Variants in GLRA3 observed in about 807,000 individuals in gnomAD.
GLRA3 encodes glycine receptor subunit alpha-3.
GLRA3 carries 44 observed loss-of-function variants against 60.4 expected under a neutral mutation model. The ratio of observed to expected loss-of-function variants is 0.73; its 90% CI spans 0.57 to 0.94. The LOEUF (loss-of-function observed/expected upper bound fraction) is 0.94, where lower values mean the gene tolerates loss of function less well. Among genes scored for constraint, GLRA3 ranks in the 40% least tolerant of loss-of-function variants. The pLI, the probability that GLRA3 is intolerant of heterozygous loss-of-function variation, is 0.00. For missense variants in GLRA3, 508 were observed against 564.6 expected, an observed-to-expected ratio of 0.90 and a Z score of 1.02; for synonymous variants, 223 against 192.9, an observed-to-expected ratio of 1.16 and a Z score of -1.29.
chr4:174,735,182 G>C (rs902341095), intron 3 of GLRA3, among the ~76,000 whole-genome samples: 5 of 151,840 alleles, frequency 3.3e-5, no homozygotes, highest in South Asian at 4.2e-4. Context: ...AAAAAAAAAG[G>C]CTAGATAACC....
At chr4:174,813,469 A>G (rs1352062) in intron 1 of GLRA3, among the ~76,000 whole-genome samples, 28,904 of 152,110 alleles carry the variant, frequency 0.19, 3,208 homozygotes, top group African/African-American at 0.31. Context: ...ACTACAGCGT[A>G]GCCACACCAC....
At position 174,644,462 on chromosome 4, in the gene GLRA3, T is replaced by C. The variant is rs75072959; in HGVS notation, c.1117-398A>G. ...AAATGTGTGATGTCGAAGGGGAACA[T>C]ACCAGGATCATTGACTGAATTTTTC... On this transcript the variant is annotated intron_variant, in intron 9 of 9. Coordinates refer to ENST00000274093, the MANE Select transcript of GLRA3 (RefSeq NM_006529.4). Among the ~76,000 whole-genome samples, 67 of 152,094 alleles carry C rather than the reference T, an allele frequency of 4.4e-4. 1 individual carries two copies. In the East Asian group the frequency reaches 0.011, roughly 26 times the overall value.
intron 3 of GLRA3, among the ~76,000 whole-genome samples, chr4:174,740,718 A>G (rs1236059340): frequency 6.6e-6 from 1 of 152,220 alleles, no homozygotes; most frequent in Non-Finnish European, 1.5e-5. Context: ...GTTACAGAAT[A>G]GAGCTCTCAC....
intron 4 of GLRA3, among the ~76,000 whole-genome samples, chr4:174,719,199 G>A (rs1736047435): frequency 6.6e-6 from 1 of 151,350 alleles, no homozygotes. Context: ...TCCTGACCTC[G>A]TGATCCGCCC....
At position 174,682,800 on chromosome 4, in the gene GLRA3, A is replaced by G. The variant is rs1734405172; in HGVS notation, c.712+2T>C. The G allele has an allele frequency of 6.2e-7, 1 of 1,609,004 alleles. No homozygotes were observed. The highest frequency in any genetic ancestry group is 8.5e-7 in the Non-Finnish European group (1 of 1,175,754). On this transcript the variant is annotated splice_donor_variant, in intron 6 of 9. Transcript: ENST00000274093. LOFTEE classifies it high-confidence loss of function. ...GTGTAAAGAACACTACTCAACCCCT[A>G]CCTGTATTGTAATGTTTAGTGCAGT...
intron 3 of GLRA3, among the ~76,000 whole-genome samples, chr4:174,736,662 G>A (rs748218709): frequency 2.5e-4 from 38 of 152,188 alleles, no homozygotes; most frequent in Non-Finnish European, 4.4e-4. Flanking sequence ...TTTGTTTATA[G>A]AAGTGTGAAG....
chr4:174,788,590 TA>T (rs35640897), intron 2 of GLRA3, among the ~76,000 whole-genome samples: 22,066 of 87,636 alleles, frequency 0.25, 1,868 homozygotes, highest in Non-Finnish European at 0.28. Context: ...GTTAGAGAAG[TA>T]AAAAAAAAAA....
chr4:174,781,126 A>T (rs1280518039), intron 2 of GLRA3, among the ~76,000 whole-genome samples: 1 of 152,140 alleles, frequency 6.6e-6, no homozygotes, highest in Admixed American at 6.5e-5. Flanking sequence ...CTCAGACCAC[A>T]GTGCAATCAA....
chr4:174,787,589 A>G (rs1739170384), intron 2 of GLRA3, among the ~76,000 whole-genome samples: 2 of 81,036 alleles, frequency 2.5e-5, no homozygotes, highest in South Asian at 1.0e-3. Flanking sequence ...TTTCATTTGT[A>G]TATTGTACCC....
intron 5 of GLRA3, among the ~76,000 whole-genome samples, chr4:174,695,309 T>C (rs1735006873): frequency 6.6e-6 from 1 of 151,980 alleles, no homozygotes; most frequent in South Asian, 2.1e-4. Flanking sequence ...CAGGCCAATA[T>C]CCTTGAAGAA....
At chr4:174,757,444 G>A (rs1272093391) in intron 3 of GLRA3, among the ~76,000 whole-genome samples, 2 of 152,062 alleles carry the variant, frequency 1.3e-5, no homozygotes, top group Admixed American at 6.5e-5. Flanking sequence ...TATGGTTGGG[G>A]TGGGAAAAAT....
chr4:174,762,463 T>C (rs993717832), intron 3 of GLRA3, among the ~76,000 whole-genome samples: 2 of 152,170 alleles, frequency 1.3e-5, no homozygotes, highest in African/African-American at 4.8e-5. Context: ...CAGTGATTTT[T>C]TTCTTCAAGA....
At chr4:174,823,586 T>A (rs1740836432) in intron 1 of GLRA3, among the ~76,000 whole-genome samples, 1 of 152,096 alleles carries the variant, frequency 6.6e-6, no homozygotes, top group Non-Finnish European at 1.5e-5. Flanking sequence ...ATATAAATAA[T>A]CCTGTGGAAA....
rs77292740 is a variant in GLRA3 at position 174,744,378 on chromosome 4, T to G, written c.268-15680A>C. Reference sequence around the variant, plus strand: ...TCCTACTGACACAGGTGCTGGTGTATGCTGCCCTGGGAGCCGAAGAACAGG... The same window carrying G: ...TCCTACTGACACAGGTGCTGGTGTAGGCTGCCCTGGGAGCCGAAGAACAGG... On this transcript the variant is annotated intron_variant, in intron 3 of 9. Coordinates refer to ENST00000274093, the MANE Select transcript of GLRA3 (RefSeq NM_006529.4). Among the ~76,000 whole-genome samples, 1,000 of 152,330 alleles carry G rather than the reference T, an allele frequency of 6.6e-3. 11 individuals are homozygous for G. The highest frequency in any genetic ancestry group is 0.022 in the African/African-American group (920 of 41,576).
At chr4:174,661,278 A>G (rs975284125) in intron 7 of GLRA3, among the ~76,000 whole-genome samples, 1 of 152,108 alleles carries the variant, frequency 6.6e-6, no homozygotes, top group Non-Finnish European at 1.5e-5. Flanking sequence ...TTACATCTCT[A>G]TATCTAACTC....
In GLRA3 at chr4:174,758,717, C is replaced by G. The variant is rs112712847; in HGVS notation, c.267+8246G>C. Among the ~76,000 whole-genome samples, 751 of 152,172 alleles carry G rather than the reference C, an allele frequency of 4.9e-3. 6 individuals carry two copies. Among genetic ancestry groups the G allele is most frequent in the African/African-American group, 0.017 (719 of 41,552 alleles). On this transcript the variant is annotated intron_variant, in intron 3 of 9. Coordinates refer to ENST00000274093, the MANE Select transcript of GLRA3 (RefSeq NM_006529.4). ...TGTAACATGGTAATAATAGAGGAAA[C>G]TGGGCATGGGATCTAGGAAAATTCT...
intron 1 of GLRA3, among the ~76,000 whole-genome samples, chr4:174,817,831 GCCTGA>G (rs1352326797): frequency 6.6e-6 from 1 of 151,936 alleles, no homozygotes; most frequent in Non-Finnish European, 1.5e-5. Context: ...GGTCTTGAAC[GCCTGA>G]CCTCTAATGA....
intron 5 of GLRA3, among the ~76,000 whole-genome samples, chr4:174,707,104 T>C (rs1032531826): frequency 6.6e-6 from 1 of 152,232 alleles, no homozygotes; most frequent in South Asian, 2.1e-4. Flanking sequence ...AATTTTGAAA[T>C]GGATATCCAT....
intron 5 of GLRA3, among the ~76,000 whole-genome samples, chr4:174,693,212 T>C (rs1734927217): frequency 6.6e-6 from 1 of 152,226 alleles, no homozygotes; most frequent in Admixed American, 6.5e-5. Flanking sequence ...TTTTGGTGTC[T>C]TTATCATGAA....
Sources: allele counts gnomAD v4.1 joint callset (sites outside exome capture counted in the v4.1 genomes callset), GRCh38; gene constraint gnomAD v4.1.1; transcripts MANE v1.5; gene names NCBI Gene and HGNC (gene_info 2026-07-23, HGNC 2026-07-21).